The following DDX51 variants were observed in gnomAD, a reference collection of about 807,000 sequenced individuals.
The protein encoded by DDX51 is ATP-dependent RNA helicase DDX51.
Under a neutral mutation model 74.6 loss-of-function variants are expected in DDX51, and 67 were observed. The observed-to-expected ratio is 0.90, with a 90% CI of 0.74 to 1.10. The LOEUF (loss-of-function observed/expected upper bound fraction) is 1.10, where lower values mean the gene tolerates loss of function less well. Ranked by LOEUF, DDX51 falls within the 50% of genes least tolerant of loss-of-function variation. The pLI is 0.00. For missense variants in DDX51, 1,056 were observed against 905.2 expected (o/e 1.17, Z -2.14); for synonymous variants, 545 against 402.9 (o/e 1.35, Z -4.22).
At chr12:132,143,026 C>T (rs1195694246) in intron 2 of DDX51, 148 bp from the exon 3 acceptor site, 2 of 1,027,772 alleles carry the variant, frequency 1.9e-6, no homozygotes, top group African/African-American at 1.6e-5. Flanking sequence ...TTCCATACAG[C>T]CTTCAGAAGT....
At chr12:132,142,219 A>C (rs769435981) in intron 4 of DDX51, 29 bp from the exon 5 acceptor site, 1 of 1,588,952 alleles carries the variant, frequency 6.3e-7, no homozygotes, top group South Asian at 1.1e-5. Flanking sequence ...CTGCGTCAGC[A>C]AGGCTGTTAC....
chr12:132,142,918 C>A, intron 2 of DDX51, 40 bp from the exon 3 acceptor site: 1 of 1,609,362 alleles, frequency 6.2e-7, no homozygotes. Context: ...GAGCGCTTTC[C>A]AGGCTCTCGC....
Position 132,141,296 on chromosome 12 carries a change from G to T in DDX51, c.1229C>A (p.Ala410Asp), listed in dbSNP as rs1255747345. The T allele has an allele frequency of 6.3e-7, 1 of 1,596,492 alleles. No homozygotes were observed. The highest frequency in any genetic ancestry group is 1.1e-5 in the South Asian group (1 of 90,804). Reference sequence around the variant, plus strand: ...ATACCTGGCGGCTGTCACAGCCTGGGCCTGCCTTCGCTGGAGCAGGGCACA... The same window carrying T: ...ATACCTGGCGGCTGTCACAGCCTGGTCCTGCCTTCGCTGGAGCAGGGCACA... ...DPCALLQRRQAQAVTAASTCC... is the reference protein window; with the variant it reads ...DPCALLQRRQDQAVTAASTCC... The change falls in exon 8 of 15, where the codon GCC becomes GAC. Residue 410 changes from alanine (A) to aspartate (D), a missense_variant. Ala to Asp is a moderately radical substitution (Grantham distance 126). Coordinates refer to ENST00000397333, the MANE Select transcript of DDX51 (RefSeq NM_175066.4).
rs772048338 is a variant in DDX51 at position 132,142,808 on chromosome 12, A to G, written c.590T>C (p.Val197Ala). 1.2e-6 allele frequency: 2 copies of G among 1,612,934 alleles called. No homozygotes were observed. Among genetic ancestry groups the G allele is most frequent in the East Asian group, 4.5e-5 (2 of 44,884 alleles). ...GACGTCAGGGATGTCCTCGATAGGA[A>G]CCAGGTCTTCGGTGACATTCCTTCT... ...CVRRNVTEDL[V>A]PIEDIPDVHP... The change falls in exon 3 of 15, where the codon GTT (valine) becomes GCT (alanine). Residue 197 changes from valine to alanine, a missense_variant. By Grantham distance (64) the Val-to-Ala change is moderately conservative. Coordinates refer to ENST00000397333, the MANE Select transcript of DDX51 (RefSeq NM_175066.4).
intron 3 of DDX51, 120 bp from the exon 4 acceptor site, chr12:132,142,542 G>A: frequency 6.7e-7 from 1 of 1,488,956 alleles, no homozygotes; most frequent in Non-Finnish European, 8.9e-7. Context: ...GCTCCCCAGA[G>A]GGATGGCACC....
chr12:132,139,482 C>T (rs1216860767), intron 14 of DDX51, 153 bp downstream of exon 14: 14 of 1,535,654 alleles, frequency 9.1e-6, no homozygotes, highest in South Asian at 3.4e-5. Flanking sequence ...AGGGGCTCCC[C>T]GCCCTTGGGC....
chr12:132,140,762 G>A, intron 9 of DDX51, 27 bp from the exon 10 acceptor site: 1 of 1,613,032 alleles, frequency 6.2e-7, no homozygotes, highest in South Asian at 1.1e-5. Flanking sequence ...GGGTCGGGGT[G>A]GAGGTGAGGG....
At position 132,139,114 on chromosome 12, in the gene DDX51, G is replaced by T; in HGVS notation, c.*158C>A. ...TCGGGGCAGGTGCTTGAGCTCTGACGCCCGGGCTGCCTGGCGCAGAGACCA... is the reference window on the plus strand; with the variant it reads ...TCGGGGCAGGTGCTTGAGCTCTGACTCCCGGGCTGCCTGGCGCAGAGACCA... On this transcript the variant is annotated 3_prime_UTR_variant, in exon 15 of 15. Coordinates refer to ENST00000397333, the MANE Select transcript of DDX51 (RefSeq NM_175066.4). 8.9e-7 allele frequency: 1 copy of T among 1,125,234 alleles called. No individual in the cohort carries two copies. The highest frequency in any genetic ancestry group is 1.3e-6 in the Non-Finnish European group (1 of 797,066). The allele number at this position is 1,125,234 out of a possible 1,614,324, so 69.7% of individuals were successfully genotyped here.
rs748811346 is a variant in DDX51 at position 132,140,338 on chromosome 12, G to C, written c.1673+85C>G. 1.6e-5 allele frequency: 25 copies of C among 1,577,334 alleles called. No individual in the cohort carries two copies. In the South Asian group the frequency reaches 2.5e-4, roughly 16 times the overall value. Reference sequence around the variant, plus strand: ...GGGCACAGGAAGCCAATTTGCAGAAGGAAGCACCTTTTAGAGAGCCCCAGG... The same window carrying C: ...GGGCACAGGAAGCCAATTTGCAGAACGAAGCACCTTTTAGAGAGCCCCAGG... On this transcript the variant is annotated intron_variant, in intron 11 of 14. Transcript: ENST00000397333.
At chr12:132,143,094 ACC>A in intron 2 of DDX51, 1 of 595,954 alleles carries the variant, frequency 1.7e-6, no homozygotes, top group Non-Finnish European at 2.9e-6. Flanking sequence ...CCTCCCATCA[ACC>A]CACAGTGGCA....
rs376403357 is a variant in DDX51 at position 132,142,799 on chromosome 12, T to C, written c.599A>G (p.Glu200Gly). 1 of 1,612,970 alleles carries C rather than the reference T, an allele frequency of 6.2e-7. No homozygotes were observed. The highest frequency in any genetic ancestry group is 8.5e-7 in the Non-Finnish European group (1 of 1,180,018). ...RNVTEDLVPIEDIPDVHPDLQ... is the reference protein window; with the variant it reads ...RNVTEDLVPIGDIPDVHPDLQ... The stretch of plus-strand genomic sequence containing the variant: ...GTCAGGATGGACGTCAGGGATGTCC[T>C]CGATAGGAACCAGGTCTTCGGTGAC... Residue 200 changes from glutamate to glycine, a missense_variant, in exon 3 of 15, where the codon GAG (glutamate) becomes GGG (glycine). Physicochemically the swap from Glu to Gly is moderately conservative, Grantham distance 98. Coordinates refer to ENST00000397333, the MANE Select transcript of DDX51 (RefSeq NM_175066.4).
rs1385670260 is a variant in DDX51 at position 132,140,125 on chromosome 12, G to A, written c.1748C>T (p.Pro583Leu). Reference protein sequence around the residue: ...GVELVVNYDAPQYLRTYVHRV... With the variant: ...GVELVVNYDALQYLRTYVHRV... ...GTGCACGTAGGTTCTCAGGTACTGG[G>A]GGGCGTCGTAGTTCACCACCAGCTC... is the stretch of plus-strand genomic sequence containing the variant. Residue 583 changes from proline (P) to leucine (L), a missense_variant, in exon 12 of 15, where the codon CCC becomes CTC. By Grantham distance (98) the Pro-to-Leu change is moderately conservative (BLOSUM62 -3). Coordinates refer to ENST00000397333, the MANE Select transcript of DDX51 (RefSeq NM_175066.4). The A allele has an allele frequency of 1.2e-6, 2 of 1,612,556 alleles. No individual in the cohort carries two copies.
chr12:132,140,328 A>G, intron 11 of DDX51, 95 bp downstream of exon 11: 2 of 1,568,814 alleles, frequency 1.3e-6, no homozygotes, highest in East Asian at 4.5e-5. Context: ...CAGGAAGCCA[A>G]TTTGCAGAAG....
In DDX51 at chr12:132,139,753, C is replaced by T. The variant is rs544795955; in HGVS notation, c.1856G>A (p.Arg619Gln). ...AGGTGCCCCAGCTTCAGTTAGCATT[C>T]GGAGGAATCTCCTCTCCTGGAGAGA... is the stretch of plus-strand genomic sequence containing the variant. ...LLKVQERRFL[R>Q]MLTEAGAPEL... The change falls in exon 14 of 15, where the codon CGA becomes CAA. Residue 619 changes from arginine (R) to glutamine (Q), a missense_variant. Coordinates refer to ENST00000397333, the MANE Select transcript of DDX51 (RefSeq NM_175066.4). 17 of 1,613,068 alleles carry T rather than the reference C, an allele frequency of 1.1e-5. No individual in the cohort carries two copies. Among genetic ancestry groups the T allele is most frequent in the African/African-American group, 5.3e-5 (4 of 74,926 alleles).
chr12:132,139,460 C>A, intron 14 of DDX51, 162 bp from the exon 15 acceptor site: 1 of 1,521,290 alleles, frequency 6.6e-7, no homozygotes, highest in South Asian at 1.1e-5. Context: ...CGTGTTTCCA[C>A]CACTGGTGCC....
rs1225047234 is a variant in DDX51, at chr12:132,139,100, G to A, written c.*172C>T. On this transcript the variant is annotated 3_prime_UTR_variant, in exon 15 of 15. Coordinates refer to ENST00000397333, the MANE Select transcript of DDX51 (RefSeq NM_175066.4). ...CCTGAAGTCTCCAGTCGGGGCAGGTGCTTGAGCTCTGACGCCCGGGCTGCC... is the reference window on the plus strand; with the variant it reads ...CCTGAAGTCTCCAGTCGGGGCAGGTACTTGAGCTCTGACGCCCGGGCTGCC... 1 of 932,676 alleles carries A rather than the reference G, an allele frequency of 1.1e-6. No individual in the cohort carries two copies. Among genetic ancestry groups the A allele is most frequent in the Non-Finnish European group, 1.6e-6 (1 of 625,400 alleles). The allele number at this position is 932,676 out of a possible 1,614,324, so 57.8% of individuals were successfully genotyped here. A position where few individuals can be genotyped will look rare whatever the true frequency, so the allele number is the denominator to read the frequency against.
At position 132,141,379 on chromosome 12, in the gene DDX51, C is replaced by A. The variant is rs1333617687; in HGVS notation, c.1146G>T (p.Gln382His). 6 of 1,597,892 alleles carry A rather than the reference C, an allele frequency of 3.8e-6. No individual in the cohort carries two copies. Among genetic ancestry groups the A allele is most frequent in the Non-Finnish European group, 5.1e-6 (6 of 1,179,286 alleles). The change falls in exon 8 of 15, where the codon CAG (glutamine) becomes CAT (histidine). Residue 382 changes from glutamine to histidine, a missense_variant. By Grantham distance (24) the Gln-to-His change is conservative. Coordinates refer to ENST00000397333, the MANE Select transcript of DDX51 (RefSeq NM_175066.4). ...CCGCCACCACCCGCGGCAGCCAGGA[C>A]TGATGCATGCTGTCAATCATCCGGT... ...EADRMIDSMH[Q>H]SWLPRVVAAA...
At position 132,144,033 on chromosome 12, in the gene DDX51, C is replaced by T; in HGVS notation, c.264G>A (p.Gln88=). ...CGCCGTCCGCCTTCCGTCGCTTTCC[C>T]TGCGGCGCCTCCGGGCTCCCCGGCT... The part of the protein sequence containing the change: ...DAEPGSPEAP[Q]GKRRKADGED... Residue 88 remains glutamine (Q), a synonymous_variant, in exon 1 of 15, where the codon CAG becomes CAA. Coordinates refer to ENST00000397333, the MANE Select transcript of DDX51 (RefSeq NM_175066.4). 1 of 1,357,724 alleles carries T rather than the reference C, an allele frequency of 7.4e-7. No individual in the cohort carries two copies. The highest frequency in any genetic ancestry group is 9.4e-7 in the Non-Finnish European group (1 of 1,060,684). The allele number at this position is 1,357,724 out of a possible 1,614,324, so 84.1% of individuals were successfully genotyped here. A position where few individuals can be genotyped will look rare whatever the true frequency, so the allele number is the denominator to read the frequency against.
In DDX51 at chr12:132,139,944, T is replaced by C; in HGVS notation, c.1776-20A>G. 6.2e-7 allele frequency: 1 copy of C among 1,612,768 alleles called. No individual in the cohort carries two copies. The highest frequency in any genetic ancestry group is 8.5e-7 in the Non-Finnish European group (1 of 1,179,910). On this transcript the variant is annotated intron_variant, in intron 12 of 14. Transcript: ENST00000397333. ...CCAACCCTGGAATCAAACGCAGCTA[T>C]CTCCAGACTGGCCCCTGAGCCTTCA...
Sources: gnomAD v4.1 joint callset for allele counts on GRCh38, gnomAD v4.1.1 for gene constraint, MANE v1.5 for transcripts, NCBI Gene and HGNC (gene_info 2026-07-23, HGNC 2026-07-21) for gene names.